The following ACBD5 variants were observed in gnomAD, a reference collection of about 807,000 sequenced individuals.
ACBD5 encodes the protein acyl-CoA binding domain containing 5, also known as acyl-CoA-binding domain-containing protein 5.
Under a neutral mutation model 71.8 loss-of-function variants are expected in ACBD5, and 40 were observed. That is an observed-to-expected ratio of 0.56 (90% CI 0.43 to 0.72). The LOEUF (loss-of-function observed/expected upper bound fraction) is 0.72. ACBD5 is among the 30% of genes least tolerant of loss of function. The probability of loss-of-function intolerance (pLI) is 0.00; values close to 1 mark genes in which losing one functional copy is unlikely to be tolerated. For missense variants in ACBD5, 559 were observed against 644.5 expected (o/e 0.87, Z 1.44); for synonymous variants, 229 against 218.6 (o/e 1.05, Z -0.42).
intron 13 of ACBD5, among the ~76,000 whole-genome samples, chr10:27,185,710 C>T (rs1398618108): frequency 6.6e-6 from 1 of 151,120 alleles, no homozygotes; most frequent in East Asian, 1.9e-4. Context: ...ACCACTCAAC[C>T]TGGGAGATGG....
intron 8 of ACBD5, 48 bp downstream of exon 8, chr10:27,215,487 C>T: frequency 7.4e-7 from 1 of 1,347,032 alleles, no homozygotes; most frequent in Admixed American, 1.8e-5. Context: ...GCATTGAATT[C>T]TAATACACCA....
chr10:27,239,892 G>T lies in ACBD5; in HGVS notation c.181+427C>A, dbSNP rs557076989. Among the ~76,000 whole-genome samples the T allele has an allele frequency of 5.9e-5, 9 of 152,232 alleles. No individual in the cohort carries two copies. The South Asian group carries it at 1.2e-3, about 21-fold the overall frequency. The stretch of plus-strand genomic sequence containing the variant: ...CTCCCGAGTAGCTGGGACTACAGGC[G>T]CACGCCACGAAGCCTGGCTAATTTT... On this transcript the variant is annotated intron_variant, in intron 2 of 12. Coordinates refer to ENST00000396271, the MANE Select transcript of ACBD5 (RefSeq NM_145698.5).
intron 13 of ACBD5, among the ~76,000 whole-genome samples, chr10:27,187,501 C>T (rs767997665): frequency 1.2e-4 from 19 of 152,128 alleles, no homozygotes; most frequent in African/African-American, 1.7e-4. Context: ...CCTGTAATCC[C>T]GGCACTTTGG....
At chr10:27,205,960 C>G (rs1310056350) in intron 10 of ACBD5, among the ~76,000 whole-genome samples, 1 of 151,852 alleles carries the variant, frequency 6.6e-6, no homozygotes, top group Non-Finnish European at 1.5e-5. Context: ...CTCTGTTGCC[C>G]AGGCTGGTGA....
chr10:27,198,761 C>T (rs1281020413), intron 12 of ACBD5, among the ~76,000 whole-genome samples: 2 of 152,162 alleles, frequency 1.3e-5, no homozygotes, highest in Non-Finnish European at 1.5e-5. Flanking sequence ...ATTAGCAACA[C>T]TTATTAAGAA....
At chr10:27,223,585 T>C in intron 4 of ACBD5, 133 bp from the exon 5 acceptor site, 2 of 738,270 alleles carry the variant, frequency 2.7e-6, no homozygotes, top group South Asian at 3.2e-5. Context: ...CTCTGAAGGA[T>C]CTACATTAAT....
At chr10:27,234,729 C>T (rs545457070) in intron 3 of ACBD5, among the ~76,000 whole-genome samples, 67 of 152,250 alleles carry the variant, frequency 4.4e-4, no homozygotes, top group African/African-American at 1.5e-3. Context: ...CCCAGCAGTT[C>T]GAGACCAGCG....
intron 8 of ACBD5, among the ~76,000 whole-genome samples, chr10:27,213,936 G>A (rs1212318743): frequency 4.6e-5 from 7 of 152,040 alleles, no homozygotes; most frequent in Admixed American, 4.6e-4. Context: ...ATGAACAGAC[G>A]AATGGATAAA....
At position 27,217,951 on chromosome 10, in the gene ACBD5, C is replaced by T. The variant is rs527580721; in HGVS notation, c.829+29G>A. 12 of 1,599,008 alleles carry T rather than the reference C, an allele frequency of 7.5e-6. No individual in the cohort carries two copies. In the East Asian group the frequency reaches 2.2e-4, roughly 30 times the overall value. On this transcript the variant is annotated intron_variant, in intron 7 of 12. Transcript: ENST00000396271. ...TAAAAGACTATTCATAGGAAAGAGGCTGGACACAGAATTATTTGGGGACAA... is the reference window on the plus strand; with the variant it reads ...TAAAAGACTATTCATAGGAAAGAGGTTGGACACAGAATTATTTGGGGACAA...
Position 27,234,690 on chromosome 10 carries a change from G to A in ACBD5, c.302+402C>T, listed in dbSNP as rs553111100. 2.0e-4 allele frequency among the ~76,000 whole-genome samples: 30 copies of A among 152,298 alleles called. No homozygotes were observed. In the South Asian group the frequency reaches 6.0e-3, roughly 31 times the overall value. On this transcript the variant is annotated intron_variant, in intron 3 of 12. Coordinates refer to ENST00000396271, the MANE Select transcript of ACBD5 (RefSeq NM_145698.5). ...CTCACGCCTGTAATCCCAGCACTTCGGGAGGCCGAGGTGGGCGGACCACCT... is the reference window on the plus strand; with the variant it reads ...CTCACGCCTGTAATCCCAGCACTTCAGGAGGCCGAGGTGGGCGGACCACCT...
chr10:27,232,150 A>G (rs537010220), intron 3 of ACBD5: 1 of 259,564 alleles, frequency 3.9e-6, no homozygotes, highest in South Asian at 5.7e-5. Flanking sequence ...TTAGAAGACT[A>G]CATTATTGCT....
chr10:27,194,491 A>C (rs1296770354), downstream of ACBD5, among the ~76,000 whole-genome samples: 2 of 151,520 alleles, frequency 1.3e-5, no homozygotes, highest in African/African-American at 4.8e-5. Context: ...GGGTGCCTGT[A>C]ATCCCAGCTA....
chr10:27,240,885 C>A (rs2065421351), upstream of ACBD5: 19 of 756,488 alleles, frequency 2.5e-5, no homozygotes, highest in South Asian at 3.3e-4. The surrounding 1 kb of genome is among the most constrained non-coding windows in gnomAD (Gnocchi z 4.1). Context: ...GTGCAGCAAA[C>A]CCCACCCACC....
intron 4 of ACBD5, among the ~76,000 whole-genome samples, chr10:27,224,934 G>A (rs2137732420): frequency 6.6e-6 from 1 of 152,216 alleles, no homozygotes; most frequent in African/African-American, 2.4e-5. Flanking sequence ...GGGAGGCTGA[G>A]GCGAGAGAAT....
At chr10:27,197,941 G>A (rs1220146545) in intron 12 of ACBD5, among the ~76,000 whole-genome samples, 1 of 152,160 alleles carries the variant, frequency 6.6e-6, no homozygotes, top group Non-Finnish European at 1.5e-5. Flanking sequence ...ATCCTGGCCA[G>A]TTTTTAATAA....
intron 13 of ACBD5, chr10:27,186,768 T>C: frequency 2.0e-6 from 1 of 509,836 alleles, no homozygotes; most frequent in Non-Finnish European, 3.5e-6. Flanking sequence ...TTTCATTTAT[T>C]TATTTTGTTT....
chr10:27,236,477 A>T (rs930995058), intron 2 of ACBD5, among the ~76,000 whole-genome samples: 9 of 152,220 alleles, frequency 5.9e-5, no homozygotes, highest in African/African-American at 7.2e-5. Flanking sequence ...CTTTTCACTT[A>T]TGTGTTTTTA....
Position 27,219,877 on chromosome 10 carries a change from C to G in ACBD5, c.491-20G>C. 6.2e-7 allele frequency: 1 copy of G among 1,612,420 alleles called. No individual in the cohort carries two copies. The highest frequency in any genetic ancestry group is 1.1e-5 in the South Asian group (1 of 91,058). ...CAAGATCTAAAACATGAAATGACCA[C>G]TTACTCACAATGTGATAATATACAA... On this transcript the variant is annotated intron_variant, in intron 5 of 12. Transcript: ENST00000396271.
intron 12 of ACBD5, among the ~76,000 whole-genome samples, chr10:27,199,666 A>T (rs1439737594): frequency 6.6e-6 from 1 of 152,114 alleles, no homozygotes; most frequent in Non-Finnish European, 1.5e-5. Context: ...CCATTTGGAG[A>T]ATAATCCTCC....
Sources: allele counts gnomAD v4.1 joint callset (sites outside exome capture counted in the v4.1 genomes callset), GRCh38; gene constraint gnomAD v4.1.1; non-coding constraint Gnocchi (gnomAD v3.1); transcripts MANE v1.5; gene names NCBI Gene and HGNC (gene_info 2026-07-23, HGNC 2026-07-21).